ZNF169: variants seen among roughly 807,000 people sequenced by gnomAD.
ZNF169 encodes the protein zinc finger protein 169.
ZNF169 carries 11 observed loss-of-function variants against 12.0 expected under a neutral mutation model. The observed-to-expected ratio is 0.92, with a 90% CI of 0.58 to 1.52. ZNF169 has a LOEUF of 1.52. Among genes scored for constraint, ZNF169 ranks in the 40% most tolerant of loss-of-function variants. The pLI is 0.00. For synonymous variants in ZNF169, 302 were observed against 286.5 expected, an observed-to-expected ratio of 1.05 and a Z score of -0.55; for missense variants, 722 against 744.0, an observed-to-expected ratio of 0.97 and a Z score of 0.34.
At chr9:94,292,640 T>TGC (rs371262494) in intron 3 of ZNF169, 173 bp downstream of exon 3, 107,797 of 727,666 alleles carry the variant, frequency 0.15, 5,238 homozygotes, top group Admixed American at 0.22. Flanking sequence ...TGTGTGTGTG[T>TGC]GCGCGTGCAC....
chr9:94,263,832 A>ATT (rs11357191), intron 1 of ZNF169, among the ~76,000 whole-genome samples: 1 of 142,170 alleles, frequency 7.0e-6, no homozygotes, highest in Non-Finnish European at 1.5e-5. Flanking sequence ...GGCCAATTGA[A>ATT]TTTTTTTTTT....
chr9:94,293,358 A>G (rs1198829764), intron 4 of ZNF169: 2 of 597,278 alleles, frequency 3.3e-6, no homozygotes, highest in Non-Finnish European at 3.0e-6. Context: ...TGTGGTTGGC[A>G]TGATCTTCAA....
chr9:94,268,586 G>A (rs1024381878), intron 1 of ZNF169, among the ~76,000 whole-genome samples: 2 of 151,720 alleles, frequency 1.3e-5, no homozygotes, highest in African/African-American at 2.4e-5. Context: ...TCAGGAGTTC[G>A]AGACCACCCT....
At chr9:94,266,575 G>C (rs1830297320) in intron 1 of ZNF169, among the ~76,000 whole-genome samples, 1 of 152,122 alleles carries the variant, frequency 6.6e-6, no homozygotes, top group Non-Finnish European at 1.5e-5. Context: ...AGTTCACAGG[G>C]CTTCAAGAAG....
chr9:94,280,904 A>G (rs1830618988), intron 2 of ZNF169, among the ~76,000 whole-genome samples: 1 of 152,190 alleles, frequency 6.6e-6, no homozygotes, highest in South Asian at 2.1e-4. Flanking sequence ...AACAGATGTG[A>G]ACTACTGAGT....
intron 1 of ZNF169, among the ~76,000 whole-genome samples, chr9:94,277,917 G>A (rs903816111): frequency 7.4e-5 from 11 of 148,020 alleles, no homozygotes; most frequent in African/African-American, 2.8e-4. Context: ...GGGCCACAGA[G>A]CGAGACTCCG....
At chr9:94,286,459 C>T (rs1830721539) in intron 2 of ZNF169, among the ~76,000 whole-genome samples, 1 of 152,066 alleles carries the variant, frequency 6.6e-6, no homozygotes, top group African/African-American at 2.4e-5. Context: ...ACTCAAATCT[C>T]AGGTTAAATT....
chr9:94,299,570 A>G, intron 4 of ZNF169: 1 of 1,349,042 alleles, frequency 7.4e-7, no homozygotes, highest in South Asian at 2.2e-5. Flanking sequence ...AGGAAGATAA[A>G]TGTGTAACTC....
rs1831076241 is a variant in ZNF169 at position 94,301,409 on chromosome 9, A to T, written c.*39A>T. ...CGTGAGTGTGAAGCTGGCAGAAATC[A>T]CTAGTAAATGCTTCAGTTTCCTGAA... On this transcript the variant is annotated 3_prime_UTR_variant, in exon 5 of 5. Transcript: ENST00000395395. 1 of 1,520,410 alleles carries T rather than the reference A, an allele frequency of 6.6e-7. No individual in the cohort carries two copies. Among genetic ancestry groups the T allele is most frequent in the South Asian group, 1.3e-5 (1 of 77,966 alleles). The allele number at this position is 1,520,410 out of a possible 1,614,324, so 94.2% of individuals were successfully genotyped here. A position where few individuals can be genotyped will look rare whatever the true frequency, so the allele number is the denominator to read the frequency against.
In ZNF169 at chr9:94,300,063, C is replaced by CA. The variant is rs1213783470; in HGVS notation, c.507dup (p.Gly170ArgfsTer2). 3.1e-6 allele frequency: 5 copies of CA among 1,613,972 alleles called. No individual in the cohort carries two copies. The highest frequency in any genetic ancestry group is 4.2e-6 in the Non-Finnish European group (5 of 1,180,034). On this transcript the variant is annotated frameshift_variant, in exon 5 of 5. Coordinates refer to ENST00000395395, the MANE Select transcript of ZNF169 (RefSeq NM_194320.4). LOFTEE classifies it low-confidence loss of function (END_TRUNC). ...TTCTAGGACATTCTTCAGCCCACAT[C>CA]AAGGTGACCCAGTAGAATGGGTAGA...
chr9:94,292,704 TG>T, intron 3 of ZNF169: 2 of 642,056 alleles, frequency 3.1e-6, no homozygotes, highest in Non-Finnish European at 2.7e-6. Flanking sequence ...CTGTTTACCC[TG>T]GCTGGGCTCC....
Position 94,301,495 on chromosome 9 carries a change from G to A in ZNF169, c.*125G>A. 7.0e-7 allele frequency: 1 copy of A among 1,435,240 alleles called. No homozygotes were observed. Among genetic ancestry groups the A allele is most frequent in the Non-Finnish European group, 9.2e-7 (1 of 1,091,492 alleles). The allele number at this position is 1,435,240 out of a possible 1,614,324, so 88.9% of individuals were successfully genotyped here. A position where few individuals can be genotyped will look rare whatever the true frequency, so the allele number is the denominator to read the frequency against. ...TCGATCATGAGATAGTTGATTTTTG[G>A]TTTACTTTCTATATTCACAATTTGT... On this transcript the variant is annotated 3_prime_UTR_variant, in exon 5 of 5. Transcript: ENST00000395395.
At position 94,300,986 on chromosome 9, in the gene ZNF169, C is replaced by T. The variant is rs373695067; in HGVS notation, c.1428C>T (p.His476=). The part of the protein sequence containing the change: ...GFGQKVTLIR[H]QRTHTGEKPY... ...GTCAGAAGGTCACCCTCATCAGACA[C>T]CAGAGGACACACACAGGGGAGAAGC... Residue 476 remains histidine, a synonymous_variant, in exon 5 of 5, where the codon CAC becomes CAT. Transcript: ENST00000395395. 6.2e-7 allele frequency: 1 copy of T among 1,613,880 alleles called. No homozygotes were observed. The highest frequency in any genetic ancestry group is 8.5e-7 in the Non-Finnish European group (1 of 1,180,002).
At chr9:94,298,398 C>G (rs1192561485) in intron 4 of ZNF169, among the ~76,000 whole-genome samples, 3 of 151,702 alleles carry the variant, frequency 2.0e-5, no homozygotes, top group Non-Finnish European at 4.4e-5. Flanking sequence ...GAACTTAGTC[C>G]TGCCGAGCGC....
At chr9:94,299,034 TCTC>T (rs1245162143) in intron 4 of ZNF169, among the ~76,000 whole-genome samples, 2 of 152,212 alleles carry the variant, frequency 1.3e-5, no homozygotes, top group Non-Finnish European at 2.9e-5. Context: ...ACGCTGAGCT[TCTC>T]CTTAATTCAC....
At chr9:94,291,428 T>C (rs962439837) in intron 2 of ZNF169, among the ~76,000 whole-genome samples, 1 of 152,188 alleles carries the variant, frequency 6.6e-6, no homozygotes, top group African/African-American at 2.4e-5. Flanking sequence ...ATATCTGTTC[T>C]TACCACTCTC....
At chr9:94,286,548 T>C (rs754961376) in intron 2 of ZNF169, among the ~76,000 whole-genome samples, 4 of 152,192 alleles carry the variant, frequency 2.6e-5, no homozygotes, top group Non-Finnish European at 5.9e-5. Context: ...TTCAATATTT[T>C]ATTCAAGTTT....
chr9:94,264,780 A>G (rs1412359232), intron 1 of ZNF169, among the ~76,000 whole-genome samples: 1 of 152,180 alleles, frequency 6.6e-6, no homozygotes, highest in African/African-American at 2.4e-5. Flanking sequence ...AATTCCATGT[A>G]AATGAAATCA....
Position 94,278,849 on chromosome 9 carries a change from A to G in ZNF169, c.33+4A>G, listed in dbSNP as rs1830569293. 6.2e-7 allele frequency: 1 copy of G among 1,613,908 alleles called. No homozygotes were observed. Among genetic ancestry groups the G allele is most frequent in the Non-Finnish European group, 8.5e-7 (1 of 1,179,866 alleles). ...ACTCCTGACAACCAGGAAGGAGGTA[A>G]GTCCTGAAATTTCTTCCTAGCTATT... On this transcript the variant is annotated splice_donor_region_variant and intron_variant, in intron 2 of 4. Coordinates refer to ENST00000395395, the MANE Select transcript of ZNF169 (RefSeq NM_194320.4).
Sources: gnomAD v4.1 joint callset for allele counts (sites outside exome capture counted in the v4.1 genomes callset) on GRCh38, gnomAD v4.1.1 for gene constraint, MANE v1.5 for transcripts, NCBI Gene and HGNC (gene_info 2026-07-23, HGNC 2026-07-21) for gene names.